RORA: variants seen among roughly 807,000 people sequenced by gnomAD.
RORA encodes nuclear receptor ROR-alpha.
Under a neutral mutation model 69.5 loss-of-function variants are expected in RORA, and 7 were observed. That is an observed-to-expected ratio of 0.10 (90% confidence interval 0.06 to 0.19). RORA has a LOEUF of 0.19. Ranked by LOEUF, RORA falls within the 10% of genes least tolerant of loss-of-function variation. The pLI, the probability that RORA is intolerant of heterozygous loss-of-function variation, is 1.00. For synonymous variants in RORA, 261 were observed against 240.8 expected (o/e 1.08, Z -0.78); for missense variants, 457 against 663.0 (o/e 0.69, Z 3.41).
chr15:60,917,032 G>A (rs1891892695), intron 1 of RORA, among the ~76,000 whole-genome samples: 2 of 152,174 alleles, frequency 1.3e-5, no homozygotes, highest in South Asian at 4.1e-4. Flanking sequence ...AAGCCTTGAA[G>A]AAGTATCCGG....
intron 2 of RORA, among the ~76,000 whole-genome samples, chr15:60,642,187 G>A (rs1042053174): frequency 8.6e-5 from 13 of 151,972 alleles, no homozygotes; most frequent in African/African-American, 1.7e-4. Flanking sequence ...AGAGGGACAC[G>A]GTAAAGTGGA....
rs143449311 is a variant in RORA, at chr15:60,812,071, C to T, written c.167-133385G>A. On this transcript the variant is annotated intron_variant, in intron 1 of 10. Coordinates refer to ENST00000335670, the MANE Select transcript of RORA (RefSeq NM_134261.3). ...CATCACGTGTTTATAAGCATGGCATCTCTGATCACACTACCTAGATTTGAA... is the reference window on the plus strand; with the variant it reads ...CATCACGTGTTTATAAGCATGGCATTTCTGATCACACTACCTAGATTTGAA... Among the ~76,000 whole-genome samples the T allele has an allele frequency of 6.0e-4, 91 of 152,280 alleles. No individual in the cohort carries two copies. In the East Asian group the frequency reaches 0.013, roughly 23 times the overall value.
Position 60,915,052 on chromosome 15 carries a change from C to T in RORA, c.167-236366G>A, listed in dbSNP as rs571381074. On this transcript the variant is annotated intron_variant, in intron 1 of 10. Transcript: ENST00000335670. ...AGATCAGAGAGACTATCTATCATACCCAAGATTGCCCAGCTAGAAAGTAGC... is the reference window on the plus strand; with the variant it reads ...AGATCAGAGAGACTATCTATCATACTCAAGATTGCCCAGCTAGAAAGTAGC... 1.7e-3 allele frequency among the ~76,000 whole-genome samples: 255 copies of T among 152,212 alleles called. 2 individuals are homozygous for T. The highest frequency in any genetic ancestry group is 3.4e-3 in the Middle Eastern group (1 of 294).
rs534422756 is a variant in RORA at position 61,003,008 on chromosome 15, G to C, written c.166+226045C>G. On this transcript the variant is annotated intron_variant, in intron 1 of 10. Coordinates refer to ENST00000335670, the MANE Select transcript of RORA (RefSeq NM_134261.3). ...AAAAAAAAAAAATTAGCCAGGTGTG[G>C]TGGCGGGCGCCTGTAGTCCCAGCTA... Among the ~76,000 whole-genome samples the C allele has an allele frequency of 2.7e-5, 4 of 150,864 alleles. No homozygotes were observed. The East Asian group carries it at 7.7e-4, about 29-fold the overall frequency.
intron 2 of RORA, among the ~76,000 whole-genome samples, chr15:60,637,019 A>T (rs2069853372): frequency 6.6e-6 from 1 of 152,114 alleles, no homozygotes; most frequent in South Asian, 2.1e-4. Context: ...TAGCCATTAT[A>T]AATAGTATTA....
intron 1 of RORA, among the ~76,000 whole-genome samples, chr15:60,740,015 A>T (rs960127517): frequency 8.5e-5 from 13 of 152,188 alleles, no homozygotes; most frequent in African/African-American, 2.7e-4. Flanking sequence ...TCCCCTGGAC[A>T]CCAACCTCTC....
intron 1 of RORA, among the ~76,000 whole-genome samples, chr15:60,892,102 G>A (rs2073818852): frequency 6.6e-6 from 1 of 152,226 alleles, no homozygotes; most frequent in African/African-American, 2.4e-5. Flanking sequence ...GCTGCAGTCA[G>A]TTACGGATGC....
chr15:60,515,798 C>T (rs994020754), intron 3 of RORA, among the ~76,000 whole-genome samples: 3 of 146,088 alleles, frequency 2.1e-5, no homozygotes, highest in Non-Finnish European at 3.0e-5. Context: ...CCAGACTCCT[C>T]GGCTCAAGCC....
chr15:60,671,110 C>T (rs1026634055), intron 2 of RORA, among the ~76,000 whole-genome samples: 5 of 116,092 alleles, frequency 4.3e-5, no homozygotes, highest in Admixed American at 1.6e-4. Context: ...GTTTCCTGAG[C>T]GTTCTGTTAG....
At chr15:60,982,535 A>G (rs1303328949) in intron 1 of RORA, among the ~76,000 whole-genome samples, 2 of 152,166 alleles carry the variant, frequency 1.3e-5, no homozygotes, top group Admixed American at 6.5e-5. Flanking sequence ...AGATAAAAAC[A>G]TGTGTCTAGT....
chr15:60,595,388 T>C (rs1177756139), intron 2 of RORA, among the ~76,000 whole-genome samples: 1 of 152,042 alleles, frequency 6.6e-6, no homozygotes, highest in Non-Finnish European at 1.5e-5. Context: ...GGTGCTTGCC[T>C]GTAATCCCAG....
intron 1 of RORA, among the ~76,000 whole-genome samples, chr15:61,132,024 C>T (rs2079194231): frequency 6.6e-6 from 1 of 152,186 alleles, no homozygotes; most frequent in Non-Finnish European, 1.5e-5. Flanking sequence ...CTCACTTTCT[C>T]CTTCCCTCCC....
intron 2 of RORA, among the ~76,000 whole-genome samples, chr15:60,535,890 A>G (rs574244299): frequency 1.2e-4 from 18 of 152,272 alleles, no homozygotes; most frequent in African/African-American, 4.1e-4. Flanking sequence ...TACTGTCATC[A>G]TTGTCATCAT....
intron 1 of RORA, among the ~76,000 whole-genome samples, chr15:60,809,878 G>A (rs985548282): frequency 6.6e-6 from 1 of 151,584 alleles, no homozygotes; most frequent in African/African-American, 2.4e-5. Context: ...CTCTCCAAAT[G>A]TAAGTTTCAA....
chr15:60,695,058 A>G (rs898578042), intron 1 of RORA, among the ~76,000 whole-genome samples: 1 of 152,170 alleles, frequency 6.6e-6, no homozygotes, highest in Non-Finnish European at 1.5e-5. Context: ...GTTAGGTGAC[A>G]GGGAAACAAC....
At chr15:61,121,917 T>C (rs1003336740) in intron 1 of RORA, among the ~76,000 whole-genome samples, 1 of 151,512 alleles carries the variant, frequency 6.6e-6, no homozygotes, top group Non-Finnish European at 1.5e-5. Context: ...TTATGAAAAT[T>C]ACTGCAGCAT....
At chr15:60,521,136 C>A (rs913690751) in intron 3 of RORA, among the ~76,000 whole-genome samples, 2 of 152,064 alleles carry the variant, frequency 1.3e-5, no homozygotes, top group African/African-American at 4.8e-5. Context: ...ATATATCAAA[C>A]CAGAACTATA....
chr15:60,944,965 GA>G (rs1432923825), intron 1 of RORA, among the ~76,000 whole-genome samples: 1 of 152,136 alleles, frequency 6.6e-6, no homozygotes, highest in African/African-American at 2.4e-5. Context: ...CCACAGCTCA[GA>G]GATATAACAG....
chr15:61,053,228 G>A (rs2078038892), intron 1 of RORA, among the ~76,000 whole-genome samples: 1 of 151,986 alleles, frequency 6.6e-6, no homozygotes, highest in South Asian at 2.1e-4. Flanking sequence ...GTAATGTACT[G>A]TTACTGTTTG....
Sources: gnomAD v4.1 joint callset for allele counts (sites outside exome capture counted in the v4.1 genomes callset) on GRCh38, gnomAD v4.1.1 for gene constraint, MANE v1.5 for transcripts, NCBI Gene and HGNC (gene_info 2026-07-23, HGNC 2026-07-21) for gene names.